Variants in RALYL observed in about 807,000 individuals in gnomAD.
RALYL encodes the protein RALY RNA binding protein like.
RALYL carries 29 observed loss-of-function variants against 35.1 expected under a neutral mutation model. That is an observed-to-expected ratio of 0.83 (90% CI 0.61 to 1.13). The LOEUF (loss-of-function observed/expected upper bound fraction) is 1.13. RALYL is among the 50% of genes most tolerant of loss of function. RALYL has a pLI of 0.00. For synonymous variants in RALYL, 120 were observed against 127.6 expected (o/e 0.94, Z 0.40); for missense variants, 359 against 360.4 (o/e 1.00, Z 0.03).
intron 6 of RALYL, chr8:84,864,722 G>C: frequency 1.8e-6 from 1 of 564,552 alleles, no homozygotes; most frequent in Non-Finnish European, 3.4e-6. Context: ...TAAGATACTT[G>C]AGTCAGGGAG....
Position 84,900,239 on chromosome 8 carries a change from C to T in RALYL, c.858+12463C>T, listed in dbSNP as rs1458362313. Among the ~76,000 whole-genome samples the T allele has an allele frequency of 2.6e-5, 4 of 151,786 alleles. No homozygotes were observed. In the South Asian group the frequency reaches 8.3e-4, roughly 31 times the overall value. ...AGCTTAAAAATAAGCTTTAAATATA[C>T]AAAAATAGGAAAAAATAGTTACTTT... On this transcript the variant is annotated intron_variant, in intron 8 of 8. Coordinates refer to ENST00000521268, the MANE Select transcript of RALYL (RefSeq NM_173848.7).
chr8:84,232,069 A>G (rs1443237619), intron 1 of RALYL, among the ~76,000 whole-genome samples: 1 of 152,118 alleles, frequency 6.6e-6, no homozygotes, highest in Non-Finnish European at 1.5e-5. Flanking sequence ...TCTGGTCAGT[A>G]CTCCGCCCTT....
At chr8:84,542,268 G>A (rs1247691095) in intron 2 of RALYL, among the ~76,000 whole-genome samples, 2 of 151,944 alleles carry the variant, frequency 1.3e-5, no homozygotes, top group Non-Finnish European at 2.9e-5. Context: ...TTGTTTTGAA[G>A]TAAATTCCAA....
intron 1 of RALYL, among the ~76,000 whole-genome samples, chr8:84,333,536 C>T (rs1847218474): frequency 6.6e-6 from 1 of 152,166 alleles, no homozygotes; most frequent in Admixed American, 6.5e-5. Context: ...CCATTGCTCA[C>T]TCCCAGTTCC....
chr8:84,371,254 A>G (rs914056174), intron 1 of RALYL, among the ~76,000 whole-genome samples: 5 of 151,980 alleles, frequency 3.3e-5, no homozygotes, highest in Non-Finnish European at 1.5e-5. Flanking sequence ...AGGCATTGCT[A>G]TTATTTTACT....
intron 4 of RALYL, among the ~76,000 whole-genome samples, chr8:84,825,421 T>TTC (rs1401299557): frequency 1.3e-5 from 2 of 152,164 alleles, no homozygotes; most frequent in Non-Finnish European, 2.9e-5. Context: ...GTTCAACCAC[T>TTC]GTGGAAAGCA....
At chr8:84,693,550 CA>C (rs1465287825) in intron 2 of RALYL, among the ~76,000 whole-genome samples, 3 of 151,732 alleles carry the variant, frequency 2.0e-5, no homozygotes, top group African/African-American at 7.3e-5. Context: ...GGGACATAGC[CA>C]AACCATATTA....
At chr8:84,635,783 T>C (rs1433933274) in intron 2 of RALYL, among the ~76,000 whole-genome samples, 3 of 151,760 alleles carry the variant, frequency 2.0e-5, no homozygotes, top group Non-Finnish European at 4.4e-5. Context: ...AATGGAAATA[T>C]TCAATCAATG....
At chr8:84,514,279 T>G (rs2057880308) in intron 1 of RALYL, among the ~76,000 whole-genome samples, 1 of 152,140 alleles carries the variant, frequency 6.6e-6, no homozygotes, top group South Asian at 2.1e-4. Flanking sequence ...ATGAAAACCA[T>G]GAATGTGTTA....
At chr8:84,603,923 GT>G (rs999585015) in intron 2 of RALYL, among the ~76,000 whole-genome samples, 2 of 151,720 alleles carry the variant, frequency 1.3e-5, no homozygotes, top group Middle Eastern at 3.4e-3. Context: ...CTTTTATCAG[GT>G]TTTTTTTGTT....
chr8:84,716,157 G>A (rs1186815119), intron 2 of RALYL, among the ~76,000 whole-genome samples: 1 of 152,082 alleles, frequency 6.6e-6, no homozygotes, highest in Non-Finnish European at 1.5e-5. Context: ...GCTAGTGTTT[G>A]TCTTCTTAAT....
At chr8:84,556,491 TG>T (rs769885378) in intron 2 of RALYL, among the ~76,000 whole-genome samples, 2 of 151,972 alleles carry the variant, frequency 1.3e-5, no homozygotes, top group Non-Finnish European at 2.9e-5. Context: ...ATGAAGAACT[TG>T]TAAAAGACAA....
chr8:84,467,633 G>A (rs1258241673), intron 1 of RALYL, among the ~76,000 whole-genome samples: 2 of 151,980 alleles, frequency 1.3e-5, no homozygotes, highest in East Asian at 3.9e-4. Context: ...ATTTGGGGTG[G>A]ACAGTTCTGT....
chr8:84,781,224 T>C (rs1336490174), intron 3 of RALYL, among the ~76,000 whole-genome samples: 1 of 152,238 alleles, frequency 6.6e-6, no homozygotes, highest in Admixed American at 6.5e-5. Flanking sequence ...CACAGTCAAC[T>C]AAACAGGTTA....
At chr8:84,703,021 C>T (rs1222549889) in intron 2 of RALYL, among the ~76,000 whole-genome samples, 1 of 152,126 alleles carries the variant, frequency 6.6e-6, no homozygotes, top group Non-Finnish European at 1.5e-5. Context: ...ACGTGCCCTT[C>T]TCTTCAGCTT....
At chr8:84,431,530 G>T (rs993734201) in intron 1 of RALYL, among the ~76,000 whole-genome samples, 3 of 152,028 alleles carry the variant, frequency 2.0e-5, no homozygotes, top group Non-Finnish European at 4.4e-5. Flanking sequence ...GCATCCTTTG[G>T]CCAGCATTTT....
chr8:84,662,022 C>A (rs147368669), intron 2 of RALYL, among the ~76,000 whole-genome samples: 4 of 151,656 alleles, frequency 2.6e-5, no homozygotes, highest in African/African-American at 9.7e-5. Context: ...TCTTTAAAGA[C>A]CTCCAAATTT....
At chr8:84,480,299 A>C (rs1264153073) in intron 1 of RALYL, among the ~76,000 whole-genome samples, 1 of 152,168 alleles carries the variant, frequency 6.6e-6, no homozygotes, top group Admixed American at 6.5e-5. Context: ...CTGACTCATT[A>C]TCATCATCAA....
At chr8:84,423,880 C>T (rs1449380800) in intron 1 of RALYL, among the ~76,000 whole-genome samples, 2 of 151,470 alleles carry the variant, frequency 1.3e-5, no homozygotes, top group East Asian at 2.0e-4. Flanking sequence ...TATTGGCCCC[C>T]ACTCTCTTCT....
Sources: gnomAD v4.1 joint callset for allele counts (sites outside exome capture counted in the v4.1 genomes callset) on GRCh38, gnomAD v4.1.1 for gene constraint, MANE v1.5 for transcripts, NCBI Gene and HGNC (gene_info 2026-07-23, HGNC 2026-07-21) for gene names.